MYO9A: variants seen among roughly 807,000 people sequenced by gnomAD.
The protein encoded by MYO9A is unconventional myosin-IXa.
A neutral mutation model predicts 293.3 loss-of-function variants in MYO9A; 103 were observed. The observed-to-expected ratio is 0.35, with a 90% CI of 0.30 to 0.41. The LOEUF (loss-of-function observed/expected upper bound fraction) is 0.41, where lower values mean the gene tolerates loss of function less well. Among genes scored for constraint, MYO9A ranks in the 10% least tolerant of loss-of-function variants. The probability of loss-of-function intolerance (pLI) is 1.00; values close to 1 mark genes in which losing one functional copy is unlikely to be tolerated. For missense variants in MYO9A, 2,685 were observed against 3,033.0 expected, an observed-to-expected ratio of 0.89 and a Z score of 2.69; for synonymous variants, 1,001 against 1,035.7, an observed-to-expected ratio of 0.97 and a Z score of 0.64.
At chr15:71,921,070 G>C (rs750715778) in intron 18 of MYO9A, among the ~76,000 whole-genome samples, 4 of 152,116 alleles carry the variant, frequency 2.6e-5, no homozygotes, top group Non-Finnish European at 1.5e-5. Flanking sequence ...TATATAACTG[G>C]ACAATGAAGC....
At chr15:72,052,241 C>T (rs2078588034) in intron 1 of MYO9A, among the ~76,000 whole-genome samples, 1 of 152,150 alleles carries the variant, frequency 6.6e-6, no homozygotes, top group South Asian at 2.1e-4. Context: ...CAGTGAGGAG[C>T]TACCCACTCC....
intron 11 of MYO9A, among the ~76,000 whole-genome samples, chr15:71,984,524 C>T (rs914885605): frequency 1.3e-5 from 2 of 152,222 alleles, no homozygotes; most frequent in African/African-American, 4.8e-5. Flanking sequence ...TCTTCAAACA[C>T]GGCTTCTAAC....
chr15:72,056,745 G>T (rs984963701), intron 1 of MYO9A, among the ~76,000 whole-genome samples: 1 of 152,214 alleles, frequency 6.6e-6, no homozygotes, highest in Non-Finnish European at 1.5e-5. Context: ...GGAGGTCGAG[G>T]CAGGCAGATC....
chr15:71,956,824 G>GCTATATATA (rs2059209241), intron 14 of MYO9A, among the ~76,000 whole-genome samples: 2 of 133,468 alleles, frequency 1.5e-5, no homozygotes, highest in South Asian at 4.8e-4. Context: ...TGCTATATAT[G>GCTATATATA]CTATATATAT....
intron 32 of MYO9A, among the ~76,000 whole-genome samples, chr15:71,869,549 A>G (rs543790829): frequency 2.2e-4 from 34 of 152,338 alleles, no homozygotes; most frequent in Admixed American, 2.0e-3. Context: ...AAAAAGGAAC[A>G]ATAGTGGGAT....
chr15:72,086,822 C>A (rs1456507874), intron 1 of MYO9A, among the ~76,000 whole-genome samples: 2 of 151,944 alleles, frequency 1.3e-5, no homozygotes, highest in Non-Finnish European at 2.9e-5. Flanking sequence ...GGCTGGAGTG[C>A]AATGGTGCAA....
intron 19 of MYO9A, among the ~76,000 whole-genome samples, chr15:71,906,765 T>C (rs1355735228): frequency 8.7e-5 from 10 of 115,396 alleles, no homozygotes; most frequent in East Asian, 2.2e-4. Context: ...TTTCTTTTTT[T>C]TTTTTTTTTT....
chr15:71,934,781 CTTTTCTTTTTTTTTTTTT>C (rs2058584960), intron 17 of MYO9A, among the ~76,000 whole-genome samples: 1 of 79,966 alleles, frequency 1.3e-5, no homozygotes, highest in Non-Finnish European at 2.6e-5. Flanking sequence ...TTTTTCTTTT[CTTTTCTTTTTTTTTTTTT>C]TTTTTTTTTT....
At chr15:71,990,398 A>G (rs1471259148) in intron 11 of MYO9A, among the ~76,000 whole-genome samples, 1 of 152,030 alleles carries the variant, frequency 6.6e-6, no homozygotes, top group African/African-American at 2.4e-5. Context: ...AAATCTATTT[A>G]GGGAACTATA....
At chr15:71,841,835 C>T (rs923897594) in intron 39 of MYO9A, among the ~76,000 whole-genome samples, 5 of 139,388 alleles carry the variant, frequency 3.6e-5, no homozygotes, top group Admixed American at 6.9e-5. Context: ...TTTGTAGAGA[C>T]GGGGTTTCAC....
intron 1 of MYO9A, among the ~76,000 whole-genome samples, chr15:72,068,934 T>C (rs915980296): frequency 6.6e-6 from 1 of 152,194 alleles, no homozygotes; most frequent in Non-Finnish European, 1.5e-5. Context: ...GGCACACTAT[T>C]ATGTCTTATT....
chr15:71,920,410 A>G (rs2058126492), intron 18 of MYO9A, among the ~76,000 whole-genome samples: 1 of 152,178 alleles, frequency 6.6e-6, no homozygotes, highest in Non-Finnish European at 1.5e-5. Flanking sequence ...TAGTGGTATT[A>G]GTACCTTGAT....
At chr15:71,994,723 T>C in intron 9 of MYO9A, 138 bp from the exon 10 acceptor site, 1 of 557,572 alleles carries the variant, frequency 1.8e-6, no homozygotes, top group Non-Finnish European at 3.1e-6. Flanking sequence ...ATAAAAAATC[T>C]ATAACTAAAG....
intron 32 of MYO9A, among the ~76,000 whole-genome samples, chr15:71,874,385 G>A (rs1469392917): frequency 1.3e-5 from 2 of 152,180 alleles, no homozygotes; most frequent in Non-Finnish European, 2.9e-5. Context: ...AGGAGGGGAA[G>A]TGGGAAGTGA....
chr15:72,047,550 T>C (rs979937678), intron 1 of MYO9A, among the ~76,000 whole-genome samples: 3 of 152,140 alleles, frequency 2.0e-5, no homozygotes, highest in South Asian at 2.1e-4. Flanking sequence ...TTCCTATCTT[T>C]ACCTCATCTA....
rs2057362292 is a variant in MYO9A at position 71,897,465 on chromosome 15, G to T, written c.5038C>A (p.Pro1680Thr). Reference protein sequence around the residue: ...FFTPKDNMSIPLVSKEALNSK... With the variant: ...FFTPKDNMSITLVSKEALNSK... The stretch of plus-strand genomic sequence containing the variant: ...ATAAATAAACATTTCACTTACAGGG[G>T]AATACTCATATTGTCCTTTGGAGTG... Residue 1680 changes from proline to threonine, a missense_variant, in exon 25 of 42, where the codon CCC becomes ACC. Around this residue, in one of 10 missense-constraint regions of MYO9A, gnomAD observed 1,434 missense variants for 1,497.7 expected, o/e 0.96. Coordinates refer to ENST00000356056, the MANE Select transcript of MYO9A (RefSeq NM_006901.4). 5 of 1,603,244 alleles carry T rather than the reference G, an allele frequency of 3.1e-6. No homozygotes were observed. Among genetic ancestry groups the T allele is most frequent in the Middle Eastern group, 3.3e-4 (2 of 5,990 alleles).
rs151046258 is a variant in MYO9A, at chr15:71,897,855, A to C, written c.4648T>G (p.Ser1550Ala). Residue 1550 changes from serine to alanine, a missense_variant, in exon 25 of 42, where the codon TCA becomes GCA. Coordinates refer to ENST00000356056, the MANE Select transcript of MYO9A (RefSeq NM_006901.4). Reference sequence around the variant, plus strand: ...GATGGCCTCTCTACTCTTTGCTTTGACTGATAGGAAGATGGTGCCACCAAA... The same window carrying C: ...GATGGCCTCTCTACTCTTTGCTTTGCCTGATAGGAAGATGGTGCCACCAAA... ...ECLVAPSSYQ[S>A]KQRVERPSSL... is the part of the protein sequence containing the mutation. 6.2e-6 allele frequency: 10 copies of C among 1,614,086 alleles called. No individual in the cohort carries two copies. The highest frequency in any genetic ancestry group is 7.6e-6 in the Non-Finnish European group (9 of 1,180,004).
intron 6 of MYO9A, among the ~76,000 whole-genome samples, chr15:72,011,838 TTGG>T (rs1434678580): frequency 6.6e-6 from 1 of 152,214 alleles, no homozygotes; most frequent in Non-Finnish European, 1.5e-5. Flanking sequence ...TCTCAAGTAC[TTGG>T]TGAAGTATAT....
At chr15:72,037,619 G>GAGTA (rs1336844147) in intron 2 of MYO9A, among the ~76,000 whole-genome samples, 1 of 152,016 alleles carries the variant, frequency 6.6e-6, no homozygotes, top group Non-Finnish European at 1.5e-5. Flanking sequence ...CACTATAACT[G>GAGTA]AGTACAGTTT....
Sources: allele counts gnomAD v4.1 joint callset (sites outside exome capture counted in the v4.1 genomes callset), GRCh38; gene constraint gnomAD v4.1.1; regional missense constraint gnomAD v4.1.1; transcripts MANE v1.5; gene names NCBI Gene and HGNC (gene_info 2026-07-23, HGNC 2026-07-21).